WFDC9: variants seen among roughly 807,000 people sequenced by gnomAD.
WFDC9 encodes WAP four-disulfide core domain 9, also known as protein WFDC9.
Under a neutral mutation model 9.5 loss-of-function variants are expected in WFDC9, and 9 were observed. The ratio of observed to expected loss-of-function variants is 0.95; its 90% CI spans 0.57 to 1.65. The LOEUF (loss-of-function observed/expected upper bound fraction) is 1.65, where lower values mean the gene tolerates loss of function less well. Among genes scored for constraint, WFDC9 ranks in the 40% most tolerant of loss-of-function variants. WFDC9 has a pLI of 0.00. For synonymous variants in WFDC9, 33 were observed against 32.3 expected, an observed-to-expected ratio of 1.02 and a Z score of -0.07; for missense variants, 87 against 106.7, an observed-to-expected ratio of 0.82 and a Z score of 0.81.
chr20:45,625,237 C>T (rs1198773248), intron 1 of WFDC9, among the ~76,000 whole-genome samples: 1 of 152,124 alleles, frequency 6.6e-6, no homozygotes, highest in Non-Finnish European at 1.5e-5. Context: ...CATGACAACT[C>T]CCTCGCTATC....
chr20:45,627,562 C>T (rs1982248363), intron 1 of WFDC9, among the ~76,000 whole-genome samples: 1 of 151,958 alleles, frequency 6.6e-6, no homozygotes, highest in Non-Finnish European at 1.5e-5. Context: ...TGTATGTGTT[C>T]AAGAATTTAT....
At position 45,610,250 on chromosome 20, in the gene WFDC9, T is replaced by C; in HGVS notation, c.-58-11A>G. 4 of 1,359,228 alleles carry C rather than the reference T, an allele frequency of 2.9e-6. No individual in the cohort carries two copies. The highest frequency in any genetic ancestry group is 3.1e-6 in the Non-Finnish European group (3 of 960,772). The allele number at this position is 1,359,228 out of a possible 1,614,324, so 84.2% of individuals were successfully genotyped here. On this transcript the variant is annotated splice_polypyrimidine_tract_variant and intron_variant, in intron 2 of 4. Transcript: ENST00000326000. ...AGTCTTTTCCCAATACTGCTAGACG[T>C]AGAAAATGGATTGAGGAGAACAGGG...
At chr20:45,624,076 C>T (rs1419329444) in intron 1 of WFDC9, among the ~76,000 whole-genome samples, 1 of 152,126 alleles carries the variant, frequency 6.6e-6, no homozygotes, top group East Asian at 1.9e-4. Flanking sequence ...CCTGTAGTCC[C>T]AGCTACTCAG....
chr20:45,628,320 T>C (rs1982269562), intron 1 of WFDC9, among the ~76,000 whole-genome samples: 1 of 152,238 alleles, frequency 6.6e-6, no homozygotes, highest in African/African-American at 2.4e-5. Context: ...TAGAACCTTG[T>C]TGTCATCTAT....
At chr20:45,627,076 C>A (rs975178216) in intron 1 of WFDC9, among the ~76,000 whole-genome samples, 1 of 151,940 alleles carries the variant, frequency 6.6e-6, no homozygotes, top group Non-Finnish European at 1.5e-5. Context: ...CTGAGATTAC[C>A]GTATGGTTTT....
At chr20:45,615,586 T>C (rs1019306244) in intron 1 of WFDC9, among the ~76,000 whole-genome samples, 1 of 152,210 alleles carries the variant, frequency 6.6e-6, no homozygotes, top group Non-Finnish European at 1.5e-5. Context: ...CCAGTGCATA[T>C]GAAAAGTATG....
intron 1 of WFDC9, chr20:45,629,629 G>C (rs556602812): frequency 6.9e-6 from 4 of 583,214 alleles, no homozygotes; most frequent in Non-Finnish European, 1.1e-5. Context: ...CCCACATGAC[G>C]AACGACAAGG....
chr20:45,617,515 A>G (rs1981999311), intron 1 of WFDC9, among the ~76,000 whole-genome samples: 1 of 152,182 alleles, frequency 6.6e-6, no homozygotes, highest in South Asian at 2.1e-4. Context: ...CCCAACTACT[A>G]ATAGCCCACT....
chr20:45,614,517 A>C (rs1282309345), intron 2 of WFDC9, 111 bp downstream of exon 2: 1 of 152,154 alleles, frequency 6.6e-6, no homozygotes, highest in Non-Finnish European at 1.5e-5. Flanking sequence ...ATTTGAACAA[A>C]AGAAACAATA....
intron 3 of WFDC9, among the ~76,000 whole-genome samples, chr20:45,609,324 C>T (rs1273723985): frequency 1.3e-5 from 2 of 152,000 alleles, no homozygotes; most frequent in Non-Finnish European, 2.9e-5. Context: ...CTGCCTCAGC[C>T]TCCTGAGTAG....
chr20:45,622,516 C>T (rs1480402563), intron 1 of WFDC9, among the ~76,000 whole-genome samples: 2 of 152,084 alleles, frequency 1.3e-5, no homozygotes, highest in African/African-American at 4.8e-5. Flanking sequence ...TTCCACATAC[C>T]TTAATCTTCC....
In WFDC9 at chr20:45,610,234, C is replaced by T; in HGVS notation, c.-53G>A. 1 of 1,481,134 alleles carries T rather than the reference C, an allele frequency of 6.8e-7. No individual in the cohort carries two copies. The highest frequency in any genetic ancestry group is 9.4e-7 in the Non-Finnish European group (1 of 1,063,898). The allele number at this position is 1,481,134 out of a possible 1,614,324, so 91.7% of individuals were successfully genotyped here. A position where few individuals can be genotyped will look rare whatever the true frequency, so the allele number is the denominator to read the frequency against. ...GTTCTGGCAGAAGGCAAGTCTTTTC[C>T]CAATACTGCTAGACGTAGAAAATGG... On this transcript the variant is annotated 5_prime_UTR_variant, in exon 3 of 5. It introduces an in-frame stop codon into an upstream open reading frame of the 5' UTR. Coordinates refer to ENST00000326000, the MANE Select transcript of WFDC9 (RefSeq NM_147198.4).
In WFDC9 at chr20:45,608,062, G is replaced by T; in HGVS notation, c.*48C>A. 6.2e-7 allele frequency: 1 copy of T among 1,610,014 alleles called. No homozygotes were observed. Among genetic ancestry groups the T allele is most frequent in the Non-Finnish European group, 8.5e-7 (1 of 1,176,868 alleles). On this transcript the variant is annotated 3_prime_UTR_variant, in exon 5 of 5. Coordinates refer to ENST00000326000, the MANE Select transcript of WFDC9 (RefSeq NM_147198.4). ...AAGGAAGTAGGCAGCACTCTTCTTA[G>T]ACCAGATGGTCATCCTTCAGCCCAC...
intron 1 of WFDC9, among the ~76,000 whole-genome samples, chr20:45,619,703 G>A (rs529251118): frequency 6.6e-6 from 1 of 152,050 alleles, no homozygotes; most frequent in Non-Finnish European, 1.5e-5. Flanking sequence ...GTATTGATAG[G>A]CTTAAAACAT....
At chr20:45,626,245 T>C (rs981478199) in intron 1 of WFDC9, among the ~76,000 whole-genome samples, 2 of 152,218 alleles carry the variant, frequency 1.3e-5, no homozygotes, top group Non-Finnish European at 1.5e-5. Flanking sequence ...CCAGCTTTGT[T>C]CTTTTTGTTA....
intron 1 of WFDC9, among the ~76,000 whole-genome samples, chr20:45,620,625 A>C (rs910458507): frequency 6.6e-6 from 1 of 152,196 alleles, no homozygotes; most frequent in Admixed American, 6.5e-5. Flanking sequence ...ACAACTTTGT[A>C]TAGATAATTT....
At chr20:45,609,017 A>G (rs914267321) in intron 3 of WFDC9, among the ~76,000 whole-genome samples, 2 of 152,102 alleles carry the variant, frequency 1.3e-5, no homozygotes, top group Non-Finnish European at 2.9e-5. Context: ...ACATGTCCCT[A>G]CAGCATTTCA....
At position 45,608,116 on chromosome 20, in the gene WFDC9, GT is replaced by G. The variant is rs1053908680; in HGVS notation, c.263del (p.Asn88ThrfsTer13). On this transcript the variant is annotated frameshift_variant, in exon 5 of 5. Transcript: ENST00000326000. LOFTEE classifies it high-confidence loss of function. ...AGTGATCGGCCAATAGAATCTAGGG[GT>G]TTAGCATTGATTTAAGGGGCTCTCT... ...DNEEPLKSMLNP is the reference protein window; with the variant it reads ...DNEEPLKSMLXP 2 of 1,613,330 alleles carry G rather than the reference GT, an allele frequency of 1.2e-6. No individual in the cohort carries two copies. The highest frequency in any genetic ancestry group is 3.3e-5 in the Admixed American group (2 of 59,802).
At chr20:45,616,038 A>G (rs76857412) in intron 1 of WFDC9, among the ~76,000 whole-genome samples, 230 of 136,994 alleles carry the variant, frequency 1.7e-3, no homozygotes, top group South Asian at 3.0e-3. Flanking sequence ...TAGCTGTGGC[A>G]ATTTATTAAA....
Sources: allele counts gnomAD v4.1 joint callset (sites outside exome capture counted in the v4.1 genomes callset), GRCh38; gene constraint gnomAD v4.1.1; transcripts MANE v1.5; gene names NCBI Gene and HGNC (gene_info 2026-07-23, HGNC 2026-07-21).